The following ZFHX3 variants were observed in gnomAD, a reference collection of about 807,000 sequenced individuals.
ZFHX3 encodes the protein zinc finger homeobox 3, also known as zinc finger homeobox protein 3.
Under a neutral mutation model 279.1 loss-of-function variants are expected in ZFHX3, and 42 were observed. That is an observed-to-expected ratio of 0.15 (90% CI 0.12 to 0.19). The LOEUF is 0.19. ZFHX3 is among the 10% of genes least tolerant of loss of function. The pLI, the probability that ZFHX3 is intolerant of heterozygous loss-of-function variation, is 1.00. For missense variants in ZFHX3, 4,981 were observed against 4,754.0 expected (o/e 1.05, Z -1.40); for synonymous variants, 2,293 against 1,957.8 (o/e 1.17, Z -4.52).
chr16:73,773,455 G>T (rs571335482), intron 1 of ZFHX3, among the ~76,000 whole-genome samples: 3 of 152,210 alleles, frequency 2.0e-5, no homozygotes, highest in African/African-American at 7.2e-5. Flanking sequence ...TGAGCTCCCA[G>T]TATGAGCCAG....
At chr16:73,239,681 T>C (rs945711723) in intron 5 of ZFHX3, among the ~76,000 whole-genome samples, 1 of 152,114 alleles carries the variant, frequency 6.6e-6, no homozygotes, top group Non-Finnish European at 1.5e-5. Context: ...AATCTGCTCA[T>C]CACAGAAGAA....
At chr16:73,590,217 T>C (rs1010252924) in intron 2 of ZFHX3, among the ~76,000 whole-genome samples, 12 of 152,198 alleles carry the variant, frequency 7.9e-5, no homozygotes, top group African/African-American at 2.9e-4. Context: ...GAAAACATTT[T>C]CCAACATTGT....
At chr16:73,808,746 T>A (rs1044776681) in intron 1 of ZFHX3, among the ~76,000 whole-genome samples, 7 of 151,744 alleles carry the variant, frequency 4.6e-5, no homozygotes, top group African/African-American at 1.7e-4. Context: ...GAGGCTTGAG[T>A]TTCCAGAGCT....
chr16:72,797,751 CTGCTGCTGTTCCCAGTCCCAT>C lies in ZFHX3; in HGVS notation c.4910_4930del (p.Asn1637_Ser1643del). 6.2e-7 allele frequency: 1 copy of C among 1,614,136 alleles called. No homozygotes were observed. The highest frequency in any genetic ancestry group is 8.5e-7 in the Non-Finnish European group (1 of 1,180,020). The stretch of plus-strand genomic sequence containing the variant: ...TGGCGTGGAGGAGCTCAAGGAAATA[CTGCTGCTGTTCCCAGTCCCAT>C]TGCTGCTGCCACTTGCAGCCTCCAG... On this transcript the variant is annotated inframe_deletion, in exon 9 of 10. Coordinates refer to ENST00000268489, the MANE Select transcript of ZFHX3 (RefSeq NM_006885.4).
At chr16:72,818,506 G>A (rs1415505000) in intron 5 of ZFHX3, among the ~76,000 whole-genome samples, 1 of 152,166 alleles carries the variant, frequency 6.6e-6, no homozygotes, top group Non-Finnish European at 1.5e-5. Context: ...TAAAGAATCT[G>A]CTTTCCTGCC....
intron 4 of ZFHX3, among the ~76,000 whole-genome samples, chr16:73,279,403 A>G (rs1320550387): frequency 6.6e-6 from 1 of 152,204 alleles, no homozygotes; most frequent in Non-Finnish European, 1.5e-5. Flanking sequence ...TCTGAAAGTG[A>G]CATACTATTT....
At chr16:73,545,137 A>G (rs916811363) in intron 2 of ZFHX3, among the ~76,000 whole-genome samples, 3 of 151,226 alleles carry the variant, frequency 2.0e-5, no homozygotes, top group African/African-American at 4.9e-5. Context: ...AGCTAAAGAG[A>G]GTCACTTCCC....
rs145863754 is a variant in ZFHX3 at position 73,018,048 on chromosome 16, C to T, written c.-50+29704G>A. ...TCACCCAGGCTGGAGTCCAGTGGCA[C>T]GATCATGGCTCACTGCAGCCTCAAT... On this transcript the variant is annotated intron_variant, in intron 1 of 9. Coordinates refer to ENST00000268489, the MANE Select transcript of ZFHX3 (RefSeq NM_006885.4). 5.7e-3 allele frequency among the ~76,000 whole-genome samples: 858 copies of T among 151,212 alleles called. 3 individuals are homozygous for T. The highest frequency in any genetic ancestry group is 9.0e-3 in the Non-Finnish European group (610 of 67,822).
intron 2 of ZFHX3, among the ~76,000 whole-genome samples, chr16:73,665,238 G>C (rs1324998462): frequency 7.2e-6 from 1 of 139,160 alleles, no homozygotes; most frequent in African/African-American, 2.7e-5. Flanking sequence ...TGGTGAGACA[G>C]AGTCTCGCTC....
intron 2 of ZFHX3, among the ~76,000 whole-genome samples, chr16:73,552,530 A>T (rs976239959): frequency 6.6e-6 from 1 of 152,208 alleles, no homozygotes; most frequent in Non-Finnish European, 1.5e-5. Context: ...AAACAGTTAG[A>T]AACTGCACTT....
At chr16:73,555,289 G>A (rs1269538490) in intron 2 of ZFHX3, among the ~76,000 whole-genome samples, 2 of 151,842 alleles carry the variant, frequency 1.3e-5, no homozygotes, top group Admixed American at 6.6e-5. Flanking sequence ...CGAATAGCTG[G>A]GACTACAGGC....
intron 5 of ZFHX3, among the ~76,000 whole-genome samples, chr16:73,250,178 C>G (rs1262936664): frequency 1.3e-5 from 2 of 152,214 alleles, no homozygotes; most frequent in Non-Finnish European, 2.9e-5. Flanking sequence ...GGTACAATAA[C>G]ATGTTTTCAT....
intron 5 of ZFHX3, among the ~76,000 whole-genome samples, chr16:73,214,991 T>C (rs2012154340): frequency 6.6e-6 from 1 of 151,946 alleles, no homozygotes; most frequent in Non-Finnish European, 1.5e-5. Flanking sequence ...GATTACAAAG[T>C]ATGGAACTGC....
chr16:72,818,297 G>T (rs1402538852), intron 5 of ZFHX3, among the ~76,000 whole-genome samples: 1 of 152,154 alleles, frequency 6.6e-6, no homozygotes, highest in Non-Finnish European at 1.5e-5. Flanking sequence ...TTTCCAGAGG[G>T]TCATCTGTGC....
In ZFHX3 at chr16:73,887,654, T is replaced by A. The variant is rs181086164; in HGVS notation, c.-1608+3997A>T. Among the ~76,000 whole-genome samples the A allele has an allele frequency of 2.3e-3, 344 of 151,286 alleles. 13 individuals are homozygous for A. The highest frequency in any genetic ancestry group is 0.019 in the Admixed American group (293 of 15,244). ...TTGGGGCCAGGAAGAAACCAAAAAA[T>A]TTAAAAAAAATACACAGGTGAGAAA... is the stretch of plus-strand genomic sequence containing the variant. On this transcript the variant is annotated intron_variant, in intron 1 of 17. Coordinates refer to the ZFHX3 transcript ENST00000641206.
At chr16:72,791,871 T>C (rs1186611039) in intron 9 of ZFHX3, among the ~76,000 whole-genome samples, 2 of 152,186 alleles carry the variant, frequency 1.3e-5, no homozygotes, top group African/African-American at 4.8e-5. Context: ...TTATGTTTGG[T>C]AAAACACCAC....
chr16:73,715,763 G>A (rs970718682), intron 1 of ZFHX3, among the ~76,000 whole-genome samples: 6 of 151,416 alleles, frequency 4.0e-5, no homozygotes, highest in South Asian at 2.1e-4. Flanking sequence ...TAGTTGAGTC[G>A]GGGTTTCACC....
At position 72,796,419 on chromosome 16, in the gene ZFHX3, A is replaced by G; in HGVS notation, c.6263T>C (p.Leu2088Pro). Reference sequence around the variant, plus strand: ...GATGGGCAGCTCCATCGGCATGGAGAGCTGGGTGAGCGGCACTGATGGCTG... The same window carrying G: ...GATGGGCAGCTCCATCGGCATGGAGGGCTGGGTGAGCGGCACTGATGGCTG... ...PAQPSVPLTQ[L>P]SMPMELPIFS... is the part of the protein sequence containing the mutation. The change falls in exon 9 of 10, where the codon CTC becomes CCC. Residue 2088 changes from leucine (L) to proline (P), a missense_variant. By Grantham distance (98) the Leu-to-Pro change is moderately conservative. Coordinates refer to ENST00000268489, the MANE Select transcript of ZFHX3 (RefSeq NM_006885.4). The G allele has an allele frequency of 6.2e-7, 1 of 1,611,430 alleles. No homozygotes were observed. Among genetic ancestry groups the G allele is most frequent in the Non-Finnish European group, 8.5e-7 (1 of 1,179,964 alleles).
chr16:73,718,430 AAAC>A (rs1027887771), intron 1 of ZFHX3, among the ~76,000 whole-genome samples: 4 of 151,734 alleles, frequency 2.6e-5, no homozygotes, highest in African/African-American at 9.7e-5. Context: ...AACTAAATAA[AAAC>A]AACAACAAGC....
Sources: allele counts gnomAD v4.1 joint callset (sites outside exome capture counted in the v4.1 genomes callset), GRCh38; gene constraint gnomAD v4.1.1; transcripts MANE v1.5; gene names NCBI Gene and HGNC (gene_info 2026-07-23, HGNC 2026-07-21).